The following IL26 variants were observed in gnomAD, a reference collection of about 807,000 sequenced individuals.
IL26 encodes the protein interleukin 26, also known as interleukin-26.
Under a neutral mutation model 21.7 loss-of-function variants are expected in IL26, and 23 were observed. The ratio of observed to expected loss-of-function variants is 1.06; its 90% CI spans 0.76 to 1.50. The LOEUF is 1.50. Ranked by LOEUF, IL26 falls within the 40% of genes most tolerant of loss-of-function variation. IL26 has a pLI of 0.00. For synonymous variants in IL26, 63 were observed against 67.8 expected (o/e 0.93, Z 0.34); for missense variants, 204 against 196.0 (o/e 1.04, Z -0.24).
At chr12:68,210,325 A>C (rs551633699) in intron 3 of IL26, among the ~76,000 whole-genome samples, 1 of 135,074 alleles carries the variant, frequency 7.4e-6, no homozygotes, top group African/African-American at 2.7e-5. Context: ...TAAATAAATA[A>C]ATATCAGTTT....
chr12:68,212,308 G>A (rs1348746696), intron 3 of IL26, among the ~76,000 whole-genome samples: 3 of 152,122 alleles, frequency 2.0e-5, no homozygotes, highest in African/African-American at 7.2e-5. Context: ...TTTGAAGTCA[G>A]GTAGTGTGAT....
chr12:68,206,611 G>GA (rs1343972329), intron 3 of IL26, among the ~76,000 whole-genome samples: 1 of 152,174 alleles, frequency 6.6e-6, no homozygotes, highest in Non-Finnish European at 1.5e-5. Context: ...AAGGCTCAGA[G>GA]GTTAGCAGCT....
In IL26 at chr12:68,202,029, T is replaced by C. The variant is rs1423177764; in HGVS notation, c.418A>G (p.Ile140Val). Residue 140 changes from isoleucine to valine, a missense_variant, in exon 4 of 5, where the codon ATA becomes GTA. Ile to Val is a conservative substitution (Grantham distance 29, BLOSUM62 3). Transcript: ENST00000229134. Reference sequence around the variant, plus strand: ...TTTAGAATTCTTACCCTATAAAATATTCTTTTCATCCTGGTAATGGATTTC... The same window carrying C: ...TTTAGAATTCTTACCCTATAAAATACTCTTTTCATCCTGGTAATGGATTTC... ...EMKSITRMKR[I>V]FYRIGNKGIY... The C allele has an allele frequency of 1.9e-6, 3 of 1,580,750 alleles. No homozygotes were observed. Among genetic ancestry groups the C allele is most frequent in the Non-Finnish European group, 2.6e-6 (3 of 1,160,568 alleles).
chr12:68,217,928 A>C (rs1868936425), intron 3 of IL26, among the ~76,000 whole-genome samples: 1 of 152,176 alleles, frequency 6.6e-6, no homozygotes, highest in African/African-American at 2.4e-5. Flanking sequence ...GAAGAGAAGG[A>C]AAAGAAGAAA....
At position 68,225,767 on chromosome 12, in the gene IL26, C is replaced by A; in HGVS notation, c.-11G>T. 1 of 1,612,926 alleles carries A rather than the reference C, an allele frequency of 6.2e-7. No individual in the cohort carries two copies. The highest frequency in any genetic ancestry group is 8.5e-7 in the Non-Finnish European group (1 of 1,179,342). On this transcript the variant is annotated 5_prime_UTR_variant, in exon 1 of 5. Coordinates refer to ENST00000229134, the MANE Select transcript of IL26 (RefSeq NM_018402.2). ...GAAATTCACCAGCATTTCCCTTCAC[C>A]CCACTCAGCGTGTGTCACTCACAGC... is the stretch of plus-strand genomic sequence containing the variant.
rs1306394990 is a variant in IL26, at chr12:68,225,296, T to C, written c.229-13A>G. ...ATTGACAGTTTTTCTAAAAATAAGA[T>C]ACAAGAAATTGCATATGGTAAATTA... On this transcript the variant is annotated splice_polypyrimidine_tract_variant and intron_variant, in intron 2 of 4. Transcript: ENST00000229134. 3.7e-6 allele frequency: 6 copies of C among 1,602,364 alleles called. No homozygotes were observed. The highest frequency in any genetic ancestry group is 5.1e-6 in the Non-Finnish European group (6 of 1,174,488).
intron 3 of IL26, among the ~76,000 whole-genome samples, chr12:68,215,471 G>C (rs2120454781): frequency 6.6e-6 from 1 of 152,210 alleles, no homozygotes; most frequent in East Asian, 1.9e-4. Context: ...ATAGTGCTGT[G>C]TATTTGTTTT....
At chr12:68,204,958 G>A (rs1324880430) in intron 3 of IL26, among the ~76,000 whole-genome samples, 1 of 150,050 alleles carries the variant, frequency 6.7e-6, no homozygotes, top group African/African-American at 2.4e-5. Flanking sequence ...TCTAGCTGCA[G>A]CGGCTGAAAT....
chr12:68,208,588 C>T (rs1411612277), intron 3 of IL26, among the ~76,000 whole-genome samples: 2 of 152,218 alleles, frequency 1.3e-5, no homozygotes, highest in South Asian at 2.1e-4. Context: ...CTGCAACCTC[C>T]GTATCCTGGG....
At chr12:68,204,390 G>A (rs535218458) in intron 3 of IL26, among the ~76,000 whole-genome samples, 5 of 152,118 alleles carry the variant, frequency 3.3e-5, no homozygotes, top group South Asian at 4.1e-4. Flanking sequence ...TGATCTGCCC[G>A]CCTCGGCCTC....
At chr12:68,204,743 A>G (rs1462065505) in intron 3 of IL26, among the ~76,000 whole-genome samples, 2 of 152,040 alleles carry the variant, frequency 1.3e-5, no homozygotes, top group Non-Finnish European at 1.5e-5. Context: ...TGGTTGAAGG[A>G]ATGCTTCCCG....
chr12:68,216,388 A>T (rs868373550), intron 3 of IL26, among the ~76,000 whole-genome samples: 1 of 152,030 alleles, frequency 6.6e-6, no homozygotes, highest in Non-Finnish European at 1.5e-5. Context: ...TAAGAGAACC[A>T]CTCCTTCGTA....
At chr12:68,210,293 G>C (rs1868673010) in intron 3 of IL26, among the ~76,000 whole-genome samples, 1 of 120,040 alleles carries the variant, frequency 8.3e-6, no homozygotes, top group African/African-American at 3.1e-5. Flanking sequence ...AATTATGCTA[G>C]TATAATGTTT....
At chr12:68,225,347 T>C in intron 2 of IL26, 64 bp from the exon 3 acceptor site, 1 of 1,549,708 alleles carries the variant, frequency 6.5e-7, no homozygotes, top group East Asian at 2.3e-5. Context: ...TGTCCCCCGA[T>C]CATTACTTAA....
intron 3 of IL26, among the ~76,000 whole-genome samples, chr12:68,210,544 C>G (rs1187638331): frequency 6.6e-6 from 1 of 151,934 alleles, no homozygotes; most frequent in East Asian, 1.9e-4. Context: ...AAATTATTAG[C>G]CAAGTGTCTC....
At chr12:68,203,814 T>C (rs977519312) in intron 3 of IL26, among the ~76,000 whole-genome samples, 7 of 152,158 alleles carry the variant, frequency 4.6e-5, no homozygotes, top group Admixed American at 6.5e-5. Flanking sequence ...GGGGCTTTCA[T>C]GATTAGGCAC....
At chr12:68,204,141 A>ATTTTGTTTTTTTTTTTTTTTTTTTTTTTT (rs1868464136) in intron 3 of IL26, among the ~76,000 whole-genome samples, 1 of 113,216 alleles carries the variant, frequency 8.8e-6, no homozygotes, top group Non-Finnish European at 1.8e-5. Flanking sequence ...GGATTCAAAG[A>ATTTTGTTTTTTTTTTTTTTTTTTTTTTTT]TTTTTTTTTT....
In IL26 at chr12:68,217,311, G is replaced by A. The variant is rs184540911; in HGVS notation, c.363+7838C>T. Among the ~76,000 whole-genome samples the A allele has an allele frequency of 2.6e-5, 4 of 152,198 alleles. No homozygotes were observed. In the East Asian group the frequency reaches 7.7e-4, roughly 29 times the overall value. On this transcript the variant is annotated intron_variant, in intron 3 of 4. Transcript: ENST00000229134. The stretch of plus-strand genomic sequence containing the variant: ...CTCAAGAAAACGGACTTGCAAGGAA[G>A]CCCAAAAGGCAGGTACCTTAGAGAA...
At chr12:68,203,981 A>G (rs1182340191) in intron 3 of IL26, among the ~76,000 whole-genome samples, 1 of 152,196 alleles carries the variant, frequency 6.6e-6, no homozygotes, top group Non-Finnish European at 1.5e-5. Flanking sequence ...GCACCAAACT[A>G]TACAACATGG....
Sources: allele counts gnomAD v4.1 joint callset (sites outside exome capture counted in the v4.1 genomes callset), GRCh38; gene constraint gnomAD v4.1.1; transcripts MANE v1.5; gene names NCBI Gene and HGNC (gene_info 2026-07-23, HGNC 2026-07-21).